CTDSPL2: variants seen among roughly 807,000 people sequenced by gnomAD.
The protein encoded by CTDSPL2 is CTD small phosphatase like 2.
In CTDSPL2, 5 loss-of-function variants were observed where a neutral mutation model predicts 60.0. That is an observed-to-expected ratio of 0.08 (90% CI 0.04 to 0.18). The LOEUF (loss-of-function observed/expected upper bound fraction) is 0.18. Ranked by LOEUF, CTDSPL2 falls within the 10% of genes least tolerant of loss-of-function variation. The pLI is 1.00. For synonymous variants in CTDSPL2, 186 were observed against 189.3 expected, an observed-to-expected ratio of 0.98 and a Z score of 0.14; for missense variants, 370 against 548.8, an observed-to-expected ratio of 0.67 and a Z score of 3.26.
chr15:44,449,057 T>TA, intron 1 of CTDSPL2: 2 of 318,530 alleles, frequency 6.3e-6, no homozygotes, highest in South Asian at 6.4e-5. Flanking sequence ...TTGCTACAAA[T>TA]ATTGTGCTTC....
In CTDSPL2 at chr15:44,526,601, C is replaced by A. The variant is rs2081878397; in HGVS notation, c.*2427C>A. On this transcript the variant is annotated 3_prime_UTR_variant, in exon 13 of 13. Coordinates refer to ENST00000260327, the MANE Select transcript of CTDSPL2 (RefSeq NM_016396.3). ...TTTTTCTTTGTTATTTTATTTGAGTCATTTTAAATTTGTTAATACAAAATT... is the reference window on the plus strand; with the variant it reads ...TTTTTCTTTGTTATTTTATTTGAGTAATTTTAAATTTGTTAATACAAAATT... 1 of 152,062 alleles carries A rather than the reference C, an allele frequency of 6.6e-6. No homozygotes were observed. The highest frequency in any genetic ancestry group is 2.1e-4 in the South Asian group (1 of 4,818). 9.4% of individuals were successfully genotyped at this position (152,062 alleles called of 1,614,324 possible). A position where few individuals can be genotyped will look rare whatever the true frequency, so the allele number is the denominator to read the frequency against.
At chr15:44,474,748 C>T (rs897912570) in intron 2 of CTDSPL2, among the ~76,000 whole-genome samples, 18 of 151,926 alleles carry the variant, frequency 1.2e-4, no homozygotes, top group African/African-American at 2.4e-4. Flanking sequence ...CCCAGCTACT[C>T]GGGAGGCTGA....
intron 1 of CTDSPL2, among the ~76,000 whole-genome samples, chr15:44,432,475 A>G (rs1223141115): frequency 2.0e-5 from 3 of 151,842 alleles, no homozygotes; most frequent in Non-Finnish European, 4.4e-5. Context: ...ACACGCCACC[A>G]TGCTCGGCTA....
At chr15:44,521,964 C>CATG (rs372125991) in intron 12 of CTDSPL2, among the ~76,000 whole-genome samples, 2,745 of 57,810 alleles carry the variant, frequency 0.047, 40 homozygotes, top group Middle Eastern at 0.14. Flanking sequence ...AAAAAAAAAA[C>CATG]ATGATGATGA....
intron 1 of CTDSPL2, among the ~76,000 whole-genome samples, chr15:44,453,348 A>G (rs2080367873): frequency 6.6e-6 from 1 of 152,008 alleles, no homozygotes; most frequent in Admixed American, 6.6e-5. Flanking sequence ...TTTTAATATG[A>G]AAGGGTGTTG....
intron 1 of CTDSPL2, among the ~76,000 whole-genome samples, chr15:44,446,133 C>T (rs1040833029): frequency 4.6e-5 from 7 of 151,804 alleles, no homozygotes; most frequent in Admixed American, 3.3e-4. Flanking sequence ...ACCATATTGA[C>T]CAGGCAGTTC....
chr15:44,468,579 A>G (rs537980065), intron 2 of CTDSPL2, among the ~76,000 whole-genome samples: 1 of 152,322 alleles, frequency 6.6e-6, no homozygotes, highest in South Asian at 2.1e-4. Context: ...CTTAAATCAG[A>G]TATCAGTAAA....
chr15:44,477,984 A>G (rs1266881199), intron 2 of CTDSPL2, among the ~76,000 whole-genome samples: 4 of 151,860 alleles, frequency 2.6e-5, no homozygotes, highest in East Asian at 1.9e-4. Flanking sequence ...TTTCTCACCA[A>G]TTTTCTTAGT....
chr15:44,494,445 CA>C (rs1319458916), intron 5 of CTDSPL2, among the ~76,000 whole-genome samples: 3 of 151,462 alleles, frequency 2.0e-5, no homozygotes, highest in Non-Finnish European at 4.4e-5. Context: ...TTTTTGTCTC[CA>C]CAAAAAAATT....
intron 4 of CTDSPL2, 58 bp downstream of exon 4, chr15:44,486,758 G>GTT (rs368571218): frequency 0.038 from 29,470 of 779,698 alleles, no homozygotes; most frequent in South Asian, 0.056. Context: ...CATAGTTTGG[G>GTT]TTTTTTTTTT....
chr15:44,515,002 C>T (rs1158831695), intron 10 of CTDSPL2, among the ~76,000 whole-genome samples, 158 bp downstream of exon 10: 1 of 152,014 alleles, frequency 6.6e-6, no homozygotes, highest in Non-Finnish European at 1.5e-5. Flanking sequence ...AAAAGAGTTC[C>T]TAATGATGGA....
intron 12 of CTDSPL2, among the ~76,000 whole-genome samples, chr15:44,521,950 A>AAC (rs1326670628): frequency 2.0e-5 from 3 of 149,628 alleles, no homozygotes; most frequent in Admixed American, 6.7e-5. Flanking sequence ...AAAAAAAAAA[A>AAC]AAAAAAAAAA....
chr15:44,512,373 T>C (rs1011954416), intron 8 of CTDSPL2, among the ~76,000 whole-genome samples: 1 of 152,204 alleles, frequency 6.6e-6, no homozygotes, highest in Admixed American at 6.5e-5. Context: ...GAAATATTTT[T>C]GGTTACTAAC....
At chr15:44,472,544 T>G (rs1251458834) in intron 2 of CTDSPL2, among the ~76,000 whole-genome samples, 24 of 144,550 alleles carry the variant, frequency 1.7e-4, no homozygotes, top group Non-Finnish European at 1.7e-4. Context: ...TAAGAGGTGG[T>G]TTTTTTTTTT....
intron 1 of CTDSPL2, among the ~76,000 whole-genome samples, chr15:44,430,831 G>GT (rs1011564778): frequency 1.0e-4 from 15 of 149,246 alleles, no homozygotes; most frequent in South Asian, 2.1e-4. Context: ...TTTTTTTTTT[G>GT]TTTTTTTGAG....
At chr15:44,435,803 C>T (rs1257210836) in intron 1 of CTDSPL2, among the ~76,000 whole-genome samples, 1 of 151,948 alleles carries the variant, frequency 6.6e-6, no homozygotes, top group Admixed American at 6.6e-5. Flanking sequence ...GACGGGGTTT[C>T]GCCATGTTGG....
At chr15:44,432,160 C>A (rs1486471149) in intron 1 of CTDSPL2, among the ~76,000 whole-genome samples, 1 of 151,840 alleles carries the variant, frequency 6.6e-6, no homozygotes, top group Non-Finnish European at 1.5e-5. Context: ...CCTTTGGGAT[C>A]CTGACAGTAA....
At chr15:44,474,249 C>A (rs1173756428) in intron 2 of CTDSPL2, among the ~76,000 whole-genome samples, 1 of 151,962 alleles carries the variant, frequency 6.6e-6, no homozygotes, top group Non-Finnish European at 1.5e-5. Flanking sequence ...TTTAGGAGGC[C>A]GAGAAGGGCA....
intron 7 of CTDSPL2, among the ~76,000 whole-genome samples, chr15:44,499,347 G>A (rs2081351746): frequency 6.6e-6 from 1 of 152,180 alleles, no homozygotes; most frequent in Non-Finnish European, 1.5e-5. Context: ...GGAGGTTGCG[G>A]TGAGCTGAGA....
Sources: allele counts gnomAD v4.1 joint callset (sites outside exome capture counted in the v4.1 genomes callset), GRCh38; gene constraint gnomAD v4.1.1; transcripts MANE v1.5; gene names NCBI Gene and HGNC (gene_info 2026-07-23, HGNC 2026-07-21).